The following WASF3 variants were observed in gnomAD, a reference collection of about 807,000 sequenced individuals.
The protein encoded by WASF3 is WASP family member 3, also known as actin-binding protein WASF3.
WASF3 carries 11 observed loss-of-function variants against 46.6 expected under a neutral mutation model. That is an observed-to-expected ratio of 0.24 (90% confidence interval 0.15 to 0.39). WASF3 has a LOEUF of 0.39. Among genes scored for constraint, WASF3 ranks in the 10% least tolerant of loss-of-function variants. WASF3 has a pLI of 1.00. For synonymous variants in WASF3, 242 were observed against 259.7 expected, an observed-to-expected ratio of 0.93 and a Z score of 0.65; for missense variants, 576 against 669.8, an observed-to-expected ratio of 0.86 and a Z score of 1.55.
upstream of WASF3, chr13:26,557,682 C>T (rs1284885485): frequency 6.1e-6 from 1 of 163,346 alleles, no homozygotes; most frequent in East Asian, 1.8e-4. Context: ...TGGCCGCGGC[C>T]GTGGACGGGC....
At position 26,688,593 on chromosome 13, in the gene WASF3, A is replaced by G. The variant is rs1883482552; in HGVS notation, c.*2748A>G. 1 of 152,272 alleles carries G rather than the reference A, an allele frequency of 6.6e-6. No homozygotes were observed. Among genetic ancestry groups the G allele is most frequent in the African/African-American group, 2.4e-5 (1 of 41,472 alleles). The allele number at this position is 152,272 out of a possible 1,614,324, so 9.4% of individuals were successfully genotyped here. On this transcript the variant is annotated 3_prime_UTR_variant, in exon 10 of 10. Coordinates refer to ENST00000335327, the MANE Select transcript of WASF3 (RefSeq NM_006646.6). ...TTTTCTTTACTAAGGATACTATTCA[A>G]AAATTAACATTTTCATCTCAGTAAG... is the stretch of plus-strand genomic sequence containing the variant.
intron 2 of WASF3, among the ~76,000 whole-genome samples, chr13:26,637,598 C>T (rs777621164): frequency 3.9e-5 from 6 of 152,194 alleles, no homozygotes; most frequent in Non-Finnish European, 7.3e-5. Context: ...TTCAGTATCC[C>T]GTTATCCTTA....
chr13:26,646,687 CA>C (rs2137421691), intron 3 of WASF3, among the ~76,000 whole-genome samples: 1 of 152,296 alleles, frequency 6.6e-6, no homozygotes, highest in East Asian at 1.9e-4. Flanking sequence ...AACACCAGTG[CA>C]ACTTAGGGAT....
At chr13:26,610,972 A>C (rs1015841612) in intron 1 of WASF3, among the ~76,000 whole-genome samples, 12 of 151,898 alleles carry the variant, frequency 7.9e-5, no homozygotes, top group Admixed American at 7.2e-4. Flanking sequence ...CAGCAAAGAA[A>C]AAGGCATGTG....
intron 4 of WASF3, 52 bp from the exon 5 acceptor site, chr13:26,667,465 A>G: frequency 6.6e-7 from 1 of 1,523,496 alleles, no homozygotes; most frequent in Admixed American, 2.0e-5. Context: ...TTACTTCTAA[A>G]CAGTTAAAAA....
At chr13:26,637,658 TTCTGGAATTTTTCCAC>T (rs1270607832) in intron 2 of WASF3, among the ~76,000 whole-genome samples, 5 of 152,230 alleles carry the variant, frequency 3.3e-5, no homozygotes, top group Non-Finnish European at 7.3e-5. Context: ...TCCGCTGCTT[TTCTGGAATTTTTCCAC>T]TGAATCTGCA....
At chr13:26,623,388 A>T (rs770918924) in intron 2 of WASF3, among the ~76,000 whole-genome samples, 1 of 152,176 alleles carries the variant, frequency 6.6e-6, no homozygotes, top group East Asian at 1.9e-4. Context: ...CAGGAGGGCA[A>T]TGAAACCTCT....
chr13:26,553,710 G>C (rs1385640187), upstream of WASF3, among the ~76,000 whole-genome samples: 1 of 151,804 alleles, frequency 6.6e-6, no homozygotes, highest in Non-Finnish European at 1.5e-5. Flanking sequence ...CCAGCTACTT[G>C]GGAGGCTGAG....
Position 26,682,729 on chromosome 13 carries a change from C to T in WASF3, c.1106C>T (p.Pro369Leu). The T allele has an allele frequency of 2.5e-6, 4 of 1,614,002 alleles. No individual in the cohort carries two copies. Among genetic ancestry groups the T allele is most frequent in the Non-Finnish European group, 3.4e-6 (4 of 1,180,034 alleles). ...FVSPLQMPMQ[P>L]PFPASASSTH... is the part of the protein sequence containing the mutation. Reference sequence around the variant, plus strand: ...AGCCCTCTCCAGATGCCCATGCAGCCCCCGTTCCCTGCATCAGCCAGCTCC... The same window carrying T: ...AGCCCTCTCCAGATGCCCATGCAGCTCCCGTTCCCTGCATCAGCCAGCTCC... The change falls in exon 9 of 10, where the codon CCC becomes CTC. Residue 369 changes from proline to leucine, a missense_variant. Around this residue, in one of 3 missense-constraint regions of WASF3, gnomAD observed 295 missense variants for 291.5 expected, o/e 1.01. Transcript: ENST00000335327. This position sits in a 1 kb window ranked among gnomAD's most constrained non-coding sequence, Gnocchi z 4.4.
intron 1 of WASF3, chr13:26,609,639 C>CTTAG (rs759071114): frequency 6.6e-6 from 1 of 151,752 alleles, no homozygotes; most frequent in Non-Finnish European, 1.5e-5. Flanking sequence ...TAGTTTAATA[C>CTTAG]TTAGGCTTAG....
intron 2 of WASF3, among the ~76,000 whole-genome samples, chr13:26,633,695 G>T (rs1355546368): frequency 6.6e-6 from 1 of 152,038 alleles, no homozygotes; most frequent in African/African-American, 2.4e-5. Flanking sequence ...TTGTGTCTTT[G>T]TTCTCATTGG....
upstream of WASF3, among the ~76,000 whole-genome samples, chr13:26,554,432 A>G (rs1879055866): frequency 6.6e-6 from 1 of 152,220 alleles, no homozygotes; most frequent in East Asian, 1.9e-4. Flanking sequence ...CACATAGCCC[A>G]AAAACTTCTT....
intron 3 of WASF3, among the ~76,000 whole-genome samples, chr13:26,664,593 C>T (rs1002854222): frequency 6.6e-6 from 1 of 152,114 alleles, no homozygotes; most frequent in East Asian, 1.9e-4. Flanking sequence ...GTGTTAGGCA[C>T]AAATAAAATA....
intron 1 of WASF3, among the ~76,000 whole-genome samples, chr13:26,565,596 G>A (rs1235150994): frequency 6.6e-6 from 1 of 152,124 alleles, no homozygotes; most frequent in Non-Finnish European, 1.5e-5. Flanking sequence ...CCTGGCTTTT[G>A]ATCAGAAACC....
intron 1 of WASF3, among the ~76,000 whole-genome samples, chr13:26,578,812 T>TAC (rs1258836662): frequency 1.3e-5 from 2 of 152,086 alleles, no homozygotes; most frequent in African/African-American, 2.4e-5. Context: ...ACACACATAC[T>TAC]GTATTGTTCT....
chr13:26,576,204 T>C (rs553402225), intron 1 of WASF3, among the ~76,000 whole-genome samples: 31 of 152,296 alleles, frequency 2.0e-4, no homozygotes, highest in African/African-American at 7.0e-4. Flanking sequence ...TTTTCCTCAA[T>C]GCCCTTTGTA....
intron 7 of WASF3, 64 bp from the exon 8 acceptor site, chr13:26,680,990 G>C: frequency 6.5e-7 from 1 of 1,544,576 alleles, no homozygotes; most frequent in Non-Finnish European, 8.8e-7. Context: ...ACATCCATGT[G>C]CCTGTTAGCC....
rs779105400 is a variant in WASF3 at position 26,681,187 on chromosome 13, C to G, written c.850C>G (p.His284Asp). 2.0e-5 allele frequency: 33 copies of G among 1,614,036 alleles called. No homozygotes were observed. Among genetic ancestry groups the G allele is most frequent in the Non-Finnish European group, 2.7e-5 (32 of 1,180,036 alleles). Residue 284 changes from histidine to aspartate, a missense_variant, in exon 8 of 10, where the codon CAT becomes GAT. By Grantham distance (81) the His-to-Asp change is moderately conservative. Transcript: ENST00000335327. ...PHGPASQAAE[H>D]EYRPPSASAR... is the part of the protein sequence containing the mutation. ...CGGGCCTGCAAGCCAGGCTGCGGAGCATGAGTACCGGCCCCCATCTGCCTC... is the reference window on the plus strand; with the variant it reads ...CGGGCCTGCAAGCCAGGCTGCGGAGGATGAGTACCGGCCCCCATCTGCCTC...
intron 3 of WASF3, among the ~76,000 whole-genome samples, chr13:26,662,151 A>ATGT (rs1882649761): frequency 6.6e-6 from 1 of 152,196 alleles, no homozygotes; most frequent in African/African-American, 2.4e-5. Context: ...AAAATAACAG[A>ATGT]TGTTGGCAAT....
Sources: gnomAD v4.1 joint callset for allele counts (sites outside exome capture counted in the v4.1 genomes callset) on GRCh38, gnomAD v4.1.1 for gene constraint, gnomAD v4.1.1 regional missense constraint, Gnocchi (gnomAD v3.1) non-coding constraint, MANE v1.5 for transcripts, NCBI Gene and HGNC (gene_info 2026-07-23, HGNC 2026-07-21) for gene names.